The following RABGAP1L variants were observed in gnomAD, a reference collection of about 807,000 sequenced individuals.
RABGAP1L encodes rab GTPase-activating protein 1-like.
In RABGAP1L, 63 loss-of-function variants were observed where a neutral mutation model predicts 137.7. The ratio of observed to expected loss-of-function variants is 0.46; its 90% CI spans 0.37 to 0.56. The LOEUF is 0.56. Among genes scored for constraint, RABGAP1L ranks in the 20% least tolerant of loss-of-function variants. The pLI is 0.00. For synonymous variants in RABGAP1L, 431 were observed against 433.7 expected (o/e 0.99, Z 0.08); for missense variants, 1,095 against 1,244.0 (o/e 0.88, Z 1.80).
intron 23 of RABGAP1L, among the ~76,000 whole-genome samples, chr1:174,981,720 A>G (rs947190178): frequency 6.6e-6 from 1 of 151,866 alleles, no homozygotes; most frequent in Non-Finnish European, 1.5e-5. Flanking sequence ...CTTATTTCAG[A>G]CAATGGATTT....
chr1:174,819,798 A>G (rs1171086708), intron 19 of RABGAP1L, among the ~76,000 whole-genome samples: 1 of 152,204 alleles, frequency 6.6e-6, no homozygotes, highest in Non-Finnish European at 1.5e-5. Context: ...CAGAAAGAGA[A>G]AAGTTAAAGA....
At chr1:174,910,000 A>G (rs1659795942) in intron 19 of RABGAP1L, among the ~76,000 whole-genome samples, 2 of 152,146 alleles carry the variant, frequency 1.3e-5, no homozygotes, top group South Asian at 4.1e-4. Flanking sequence ...TTAGCTGGGC[A>G]TGGTGGCGGG....
chr1:174,632,279 G>C (rs1673465507), intron 13 of RABGAP1L, among the ~76,000 whole-genome samples: 1 of 147,808 alleles, frequency 6.8e-6, no homozygotes, highest in Non-Finnish European at 1.5e-5. Flanking sequence ...AGTCTGATGG[G>C]CTTCCCTTTG....
chr1:174,478,313 C>T (rs2149324293), intron 13 of RABGAP1L, among the ~76,000 whole-genome samples: 1 of 151,886 alleles, frequency 6.6e-6, no homozygotes, highest in African/African-American at 2.4e-5. Flanking sequence ...GTCTGTTGCC[C>T]AGGCTAGAGT....
intron 19 of RABGAP1L, among the ~76,000 whole-genome samples, chr1:174,838,937 AAAAAAAAAAAAAAAAAAT>A (rs1430318579): frequency 3.9e-4 from 57 of 146,842 alleles, no homozygotes; most frequent in African/African-American, 1.3e-3. Context: ...AAAAAAAAAA[AAAAAAAAAAAAAAAAAAT>A]GACATGAGTC....
chr1:174,168,571 C>T (rs1233949050), intron 1 of RABGAP1L, among the ~76,000 whole-genome samples: 1 of 152,022 alleles, frequency 6.6e-6, no homozygotes, highest in South Asian at 2.1e-4. Context: ...CTGTTGTCTG[C>T]GCAAAGATCT....
At chr1:174,632,505 T>C in intron 13 of RABGAP1L, among the ~76,000 whole-genome samples, 1 of 150,702 alleles carries the variant, frequency 6.6e-6, no homozygotes, top group Non-Finnish European at 1.5e-5. Flanking sequence ...CTTGGTTCCA[T>C]TCTCTGCATC....
At position 174,737,234 on chromosome 1, in the gene RABGAP1L, A is replaced by G. The variant is rs565360549; in HGVS notation, c.2170-15079A>G. Among the ~76,000 whole-genome samples the G allele has an allele frequency of 1.0e-3, 157 of 152,226 alleles. 1 individual carries two copies. The highest frequency in any genetic ancestry group is 1.8e-3 in the Non-Finnish European group (120 of 68,012). On this transcript the variant is annotated intron_variant, in intron 17 of 25. Coordinates refer to ENST00000681986, the MANE Select transcript of RABGAP1L (RefSeq NM_001366446.1). ...TTTCCTTACTCCCATATTTGATTGT[A>G]GGTTGTTAGAAGCAGCCATACTACC... is the stretch of plus-strand genomic sequence containing the variant.
At chr1:174,608,703 C>T (rs539683922) in intron 13 of RABGAP1L, among the ~76,000 whole-genome samples, 9 of 151,998 alleles carry the variant, frequency 5.9e-5, no homozygotes, top group African/African-American at 1.9e-4. Flanking sequence ...TTGAGGGTAA[C>T]GGGACAATAT....
chr1:174,575,520 T>G (rs1668308137), intron 13 of RABGAP1L, among the ~76,000 whole-genome samples: 1 of 152,116 alleles, frequency 6.6e-6, no homozygotes, highest in East Asian at 1.9e-4. Context: ...AGCAAGGTCT[T>G]GTATATAAAT....
At chr1:174,292,329 CTTTTT>C (rs61636433) in intron 10 of RABGAP1L, among the ~76,000 whole-genome samples, 8 of 50,622 alleles carry the variant, frequency 1.6e-4, no homozygotes, top group African/African-American at 6.4e-4. Flanking sequence ...CCTACCTAAT[CTTTTT>C]TTTTTTTTTT....
At chr1:174,954,355 T>C (rs1242894502) in intron 19 of RABGAP1L, 1 of 152,096 alleles carries the variant, frequency 6.6e-6, no homozygotes, top group Admixed American at 6.5e-5. Flanking sequence ...TGAAGCCAAA[T>C]ATCCTAGAAT....
intron 19 of RABGAP1L, among the ~76,000 whole-genome samples, chr1:174,860,217 G>A (rs1213161158): frequency 6.6e-6 from 1 of 151,970 alleles, no homozygotes; most frequent in Non-Finnish European, 1.5e-5. Flanking sequence ...TGAGTAAGGG[G>A]ATTAGAAATT....
intron 13 of RABGAP1L, among the ~76,000 whole-genome samples, chr1:174,494,868 A>T (rs1178781124): frequency 1.3e-5 from 2 of 152,136 alleles, no homozygotes; most frequent in Non-Finnish European, 2.9e-5. Flanking sequence ...ATATACACAA[A>T]CAAGTCAAAG....
At chr1:174,843,224 C>CTTT (rs60814405) in intron 19 of RABGAP1L, among the ~76,000 whole-genome samples, 6 of 131,222 alleles carry the variant, frequency 4.6e-5, no homozygotes, top group African/African-American at 1.4e-4. Flanking sequence ...ATGTCACAGT[C>CTTT]TTTTTTTTTT....
In RABGAP1L at chr1:174,537,617, G is replaced by GGC. The variant is rs545656002; in HGVS notation, c.1711-99757_1711-99756dup. Among the ~76,000 whole-genome samples, 46 of 152,268 alleles carry GGC rather than the reference G, an allele frequency of 3.0e-4. 1 individual carries two copies. In the South Asian group the frequency reaches 9.5e-3, roughly 32 times the overall value. ...CTGTTCCTGAAAGAAAGTTTAGCCAGGCAGGGTGGCGGGCACCTGTACTAC... is the reference window on the plus strand; with the variant it reads ...CTGTTCCTGAAAGAAAGTTTAGCCAGGCGCAGGGTGGCGGGCACCTGTACTAC... On this transcript the variant is annotated intron_variant, in intron 13 of 25. Coordinates refer to ENST00000681986, the MANE Select transcript of RABGAP1L (RefSeq NM_001366446.1).
At chr1:174,749,908 C>T (rs1434369143) in intron 17 of RABGAP1L, among the ~76,000 whole-genome samples, 10 of 152,164 alleles carry the variant, frequency 6.6e-5, no homozygotes, top group African/African-American at 1.2e-4. Context: ...GATGGAGTCT[C>T]GCTCTGTCAC....
chr1:174,517,036 A>G (rs545243577), intron 13 of RABGAP1L, among the ~76,000 whole-genome samples: 3 of 152,084 alleles, frequency 2.0e-5, no homozygotes, highest in African/African-American at 7.2e-5. Context: ...GTTAGCACAC[A>G]ATTATTTTAA....
chr1:174,730,532 C>T (rs577052448), intron 17 of RABGAP1L, among the ~76,000 whole-genome samples: 3 of 152,312 alleles, frequency 2.0e-5, no homozygotes, highest in African/African-American at 7.2e-5. Flanking sequence ...AGAGTAATTA[C>T]TTGACTCCAA....
Sources: gnomAD v4.1 joint callset for allele counts (sites outside exome capture counted in the v4.1 genomes callset) on GRCh38, gnomAD v4.1.1 for gene constraint, MANE v1.5 for transcripts, NCBI Gene and HGNC (gene_info 2026-07-23, HGNC 2026-07-21) for gene names.